The following KIAA1217 variants were observed in gnomAD, a reference collection of about 807,000 sequenced individuals.
KIAA1217 encodes the protein KIAA1217, also known as sickle tail protein homolog.
In KIAA1217, 88 loss-of-function variants were observed where a neutral mutation model predicts 163.9. The observed-to-expected ratio is 0.54, with a 90% CI of 0.45 to 0.64. The LOEUF is 0.64. Among genes scored for constraint, KIAA1217 ranks in the 30% least tolerant of loss-of-function variants. KIAA1217 has a pLI of 0.00. For missense variants in KIAA1217, 2,372 were observed against 2,475.0 expected (o/e 0.96, Z 0.88); for synonymous variants, 903 against 923.1 (o/e 0.98, Z 0.39).
chr10:24,431,916 CA>C (rs2059630860), intron 3 of KIAA1217, among the ~76,000 whole-genome samples: 1 of 152,068 alleles, frequency 6.6e-6, no homozygotes, highest in Non-Finnish European at 1.5e-5. Flanking sequence ...ACGATATGAA[CA>C]TTCAATAAAT....
At chr10:24,174,688 C>T (rs574597420) in intron 2 of KIAA1217, among the ~76,000 whole-genome samples, 59 of 152,264 alleles carry the variant, frequency 3.9e-4, no homozygotes, top group Admixed American at 1.2e-3. Context: ...GGAAACTCAT[C>T]GAGGAACTAC....
intron 2 of KIAA1217, among the ~76,000 whole-genome samples, chr10:24,340,174 G>A (rs780439157): frequency 6.6e-6 from 1 of 152,176 alleles, no homozygotes; most frequent in Non-Finnish European, 1.5e-5. Flanking sequence ...ATCTGATGCT[G>A]TAACAATTTC....
At chr10:24,433,236 GTT>G (rs569859382) in intron 4 of KIAA1217, 43 bp downstream of exon 4, 2 of 1,466,264 alleles carry the variant, frequency 1.4e-6, no homozygotes, top group African/African-American at 1.4e-5. Flanking sequence ...TTGCCTTAGA[GTT>G]TTTTTTGTTT....
At chr10:23,814,529 C>A (rs1458297307) in intron 1 of KIAA1217, among the ~76,000 whole-genome samples, 1 of 152,218 alleles carries the variant, frequency 6.6e-6, no homozygotes, top group South Asian at 2.1e-4. Flanking sequence ...TGGGGATGAC[C>A]CAAACAAGCA....
intron 1 of KIAA1217, among the ~76,000 whole-genome samples, chr10:23,715,014 C>T (rs1837483356): frequency 6.6e-6 from 1 of 152,158 alleles, no homozygotes; most frequent in South Asian, 2.1e-4. Flanking sequence ...TGCCAAAGGG[C>T]AGGATATATG....
chr10:23,743,088 A>G (rs960923113), intron 1 of KIAA1217, among the ~76,000 whole-genome samples: 12 of 152,130 alleles, frequency 7.9e-5, no homozygotes, highest in Non-Finnish European at 1.6e-4. Flanking sequence ...GGGGCAGGGG[A>G]GAAAAACACA....
rs1165962593 is a variant in KIAA1217 at position 24,547,432 on chromosome 10, A to T, written c.*1108A>T. 1.3e-5 allele frequency: 2 copies of T among 152,664 alleles called. No individual in the cohort carries two copies. Among genetic ancestry groups the T allele is most frequent in the African/African-American group, 4.8e-5 (2 of 41,458 alleles). The allele number at this position is 152,664 out of a possible 1,614,324, so 9.5% of individuals were successfully genotyped here. The stretch of plus-strand genomic sequence containing the variant: ...TATTTGTATAACACAGTCATGTAAT[A>T]TACAGAACTATAAGCAGAGACTTTG... On this transcript the variant is annotated 3_prime_UTR_variant, in exon 21 of 21. Coordinates refer to ENST00000376454, the MANE Select transcript of KIAA1217 (RefSeq NM_019590.5).
intron 1 of KIAA1217, among the ~76,000 whole-genome samples, chr10:23,857,827 A>G (rs974260963): frequency 3.9e-5 from 6 of 152,152 alleles, no homozygotes; most frequent in African/African-American, 9.7e-5. Flanking sequence ...GTATGTTCAT[A>G]TATATGTATG....
At position 23,811,508 on chromosome 10, in the gene KIAA1217, G is replaced by A. The variant is rs555989511; in HGVS notation, c.-321+116274G>A. Among the ~76,000 whole-genome samples, 3 of 151,836 alleles carry A rather than the reference G, an allele frequency of 2.0e-5. No homozygotes were observed. The East Asian group carries it at 5.8e-4, about 29-fold the overall frequency. On this transcript the variant is annotated intron_variant, in intron 1 of 18. Transcript: ENST00000376462. ...TAAGATATGTTCATTCTTAGTTATA[G>A]GATTTTCTTTAGTCAAGTGTATTTT...
intron 1 of KIAA1217, among the ~76,000 whole-genome samples, chr10:23,727,410 A>T (rs1838223760): frequency 6.6e-6 from 1 of 152,138 alleles, no homozygotes; most frequent in East Asian, 2.0e-4. Context: ...AAATACAAAA[A>T]TTAGCTGGGT....
chr10:24,526,152 G>C (rs781211975), intron 13 of KIAA1217, among the ~76,000 whole-genome samples: 5 of 151,886 alleles, frequency 3.3e-5, no homozygotes, highest in Non-Finnish European at 5.9e-5. Context: ...CAACCTTGTC[G>C]TAACCCTCCT....
intron 5 of KIAA1217, among the ~76,000 whole-genome samples, chr10:24,460,280 T>C (rs79860379): frequency 0.077 from 11,740 of 152,256 alleles, 640 homozygotes; most frequent in East Asian, 0.18. Flanking sequence ...ACAAATGGCA[T>C]CAATTCCTAG....
In KIAA1217 at chr10:24,439,273, T is replaced by TACACAC. The variant is rs143903256; in HGVS notation, c.846+806_846+811dup. 9.2e-3 allele frequency among the ~76,000 whole-genome samples: 1,388 copies of TACACAC among 151,166 alleles called. 25 individuals carry two copies. The highest frequency in any genetic ancestry group is 0.033 in the African/African-American group (1,345 of 41,332). On this transcript the variant is annotated intron_variant, in intron 5 of 20. Coordinates refer to ENST00000376454, the MANE Select transcript of KIAA1217 (RefSeq NM_019590.5). ...ATTAGCTTCTCAGCTGTACACCCCC[T>TACACAC]ACACACACACACACACATTTGGAAG...
intron 1 of KIAA1217, among the ~76,000 whole-genome samples, chr10:23,746,738 C>A (rs571465316): frequency 1.3e-5 from 2 of 152,150 alleles, no homozygotes; most frequent in African/African-American, 4.8e-5. Context: ...TCTTTTATAG[C>A]AACGTGAATG....
At chr10:24,370,416 A>G (rs906525645) in intron 2 of KIAA1217, among the ~76,000 whole-genome samples, 1 of 152,214 alleles carries the variant, frequency 6.6e-6, no homozygotes, top group South Asian at 2.1e-4. Context: ...CCTGACATAC[A>G]TGATATTTTA....
At chr10:24,459,832 G>C (rs1281412436) in intron 5 of KIAA1217, among the ~76,000 whole-genome samples, 1 of 152,180 alleles carries the variant, frequency 6.6e-6, no homozygotes, top group Non-Finnish European at 1.5e-5. Flanking sequence ...TCAGGAGGCT[G>C]AGGTGGGAGG....
At chr10:23,697,876 CAA>C (rs763181707) in intron 1 of KIAA1217, among the ~76,000 whole-genome samples, 24 of 129,674 alleles carry the variant, frequency 1.9e-4, no homozygotes, top group Middle Eastern at 4.3e-3. Flanking sequence ...GACCCTGTCT[CAA>C]AAAAAAAAAA....
intron 1 of KIAA1217, among the ~76,000 whole-genome samples, chr10:23,848,555 A>G (rs552625027): frequency 2.0e-5 from 3 of 152,154 alleles, no homozygotes; most frequent in Admixed American, 6.6e-5. Context: ...GTCTCCTGCA[A>G]CACACATAAA....
At chr10:23,933,570 C>T (rs1843344928) in intron 1 of KIAA1217, among the ~76,000 whole-genome samples, 1 of 152,108 alleles carries the variant, frequency 6.6e-6, no homozygotes, top group African/African-American at 2.4e-5. Context: ...AAGAGCTCTG[C>T]ACAGCAAAAG....
Sources: allele counts gnomAD v4.1 joint callset (sites outside exome capture counted in the v4.1 genomes callset), GRCh38; gene constraint gnomAD v4.1.1; transcripts MANE v1.5; gene names NCBI Gene and HGNC (gene_info 2026-07-23, HGNC 2026-07-21).